The following FSD2 variants were observed in gnomAD, a reference collection of about 807,000 sequenced individuals.
The protein encoded by FSD2 is fibronectin type III and SPRY domain containing 2, also known as fibronectin type III and SPRY domain-containing protein 2.
Under a neutral mutation model 80.4 loss-of-function variants are expected in FSD2, and 71 were observed. The observed-to-expected ratio is 0.88, with a 90% CI of 0.73 to 1.08. The LOEUF is 1.08. FSD2 is among the 50% of genes least tolerant of loss of function. The probability of loss-of-function intolerance (pLI) is 0.00; values close to 1 mark genes in which losing one functional copy is unlikely to be tolerated. For missense variants in FSD2, 923 were observed against 913.8 expected (o/e 1.01, Z -0.13); for synonymous variants, 361 against 329.5 (o/e 1.10, Z -1.03).
At chr15:82,779,664 C>CA (rs1165686952) in intron 5 of FSD2, among the ~76,000 whole-genome samples, 8,209 of 97,682 alleles carry the variant, frequency 0.084, 616 homozygotes, top group African/African-American at 0.23. Context: ...GAAACTGTCT[C>CA]AAAAAAAAAA....
chr15:82,782,648 C>T, intron 4 of FSD2, 147 bp downstream of exon 4: 1 of 686,724 alleles, frequency 1.5e-6, no homozygotes, highest in East Asian at 2.5e-5. Context: ...CCAGTGGAAT[C>T]AAATGGATGC....
rs1596252735 is a variant in FSD2, at chr15:82,786,877, C to G, written c.514G>C (p.Glu172Gln). The G allele has an allele frequency of 6.2e-7, 1 of 1,614,010 alleles. No homozygotes were observed. Among genetic ancestry groups the G allele is most frequent in the African/African-American group, 1.3e-5 (1 of 75,042 alleles). Residue 172 changes from glutamate to glutamine, a missense_variant, in exon 2 of 13, where the codon GAA (glutamate) becomes CAA (glutamine). Glu to Gln is a conservative substitution (Grantham distance 29). Transcript: ENST00000334574. ...CAGAAGACATCAGCAGCTTCTTCTT[C>G]ATCCTCTTCCTCGGGGATGACATAG... ...ECYVIPEEED[E>Q]EEAADVFCVT...
intron 1 of FSD2, among the ~76,000 whole-genome samples, chr15:82,805,295 A>G (rs915765453): frequency 2.6e-5 from 4 of 152,146 alleles, no homozygotes; most frequent in African/African-American, 9.7e-5. Flanking sequence ...GAAACCTGTG[A>G]ATTCTCTTCC....
intron 1 of FSD2, among the ~76,000 whole-genome samples, chr15:82,795,907 CTA>C (rs1033461412): frequency 1.3e-5 from 2 of 151,456 alleles, no homozygotes; most frequent in African/African-American, 4.9e-5. Flanking sequence ...AAAGGATACT[CTA>C]AGACTGAGAG....
chr15:82,782,778 T>G lies in FSD2; in HGVS notation c.966+17A>C, dbSNP rs571450778. ...CTTTCCATTATGTTCATTATTTCAT[T>G]TTGTTTCATTACTGACCTTTATGAA... On this transcript the variant is annotated intron_variant, in intron 4 of 12. Coordinates refer to ENST00000334574, the MANE Select transcript of FSD2 (RefSeq NM_001007122.4). 1.3e-5 allele frequency: 20 copies of G among 1,544,736 alleles called. No homozygotes were observed. Among genetic ancestry groups the G allele is most frequent in the Non-Finnish European group, 1.8e-5 (20 of 1,127,936 alleles).
At chr15:82,795,831 CA>C (rs71156051) in intron 1 of FSD2, among the ~76,000 whole-genome samples, 1,751 of 126,996 alleles carry the variant, frequency 0.014, 14 homozygotes, top group Non-Finnish European at 0.021. Context: ...GACTCCATCT[CA>C]AAAAAAAAAA....
rs1482215584 is a variant in FSD2 at position 82,778,158 on chromosome 15, A to ATATATATATATATATAT, written c.1111+607_1111+608insATATATATATATATATA. ...TATATATATATATATATATATATAT[A>ATATATATATATATATAT]ATAACTATTACATGATCTAGTAATT... On this transcript the variant is annotated intron_variant, in intron 6 of 12. Coordinates refer to ENST00000334574, the MANE Select transcript of FSD2 (RefSeq NM_001007122.4). 9.7e-4 allele frequency among the ~76,000 whole-genome samples: 125 copies of ATATATATATATATATAT among 128,956 alleles called. 2 individuals carry two copies. The highest frequency in any genetic ancestry group is 2.0e-3 in the African/African-American group (61 of 30,306). 84.6% of individuals were successfully genotyped at this position (128,956 alleles called of 152,430 possible).
intron 1 of FSD2, among the ~76,000 whole-genome samples, chr15:82,789,287 CAG>C (rs2050081875): frequency 6.6e-6 from 1 of 151,564 alleles, no homozygotes; most frequent in African/African-American, 2.4e-5. Context: ...GCAAAATAAA[CAG>C]AATGCCCATT....
chr15:82,782,288 T>A (rs2049884170), intron 4 of FSD2, among the ~76,000 whole-genome samples: 1 of 150,436 alleles, frequency 6.6e-6, no homozygotes, highest in Non-Finnish European at 1.5e-5. Context: ...TAGTCCCAGC[T>A]ACTAGGGAGG....
chr15:82,800,555 C>T (rs961543006), intron 1 of FSD2, among the ~76,000 whole-genome samples: 8 of 151,480 alleles, frequency 5.3e-5, no homozygotes, highest in Non-Finnish European at 8.8e-5. Context: ...AGCTGGGCGT[C>T]GTGGTGGGTG....
intron 5 of FSD2, among the ~76,000 whole-genome samples, chr15:82,780,032 C>T (rs991485430): frequency 1.4e-4 from 22 of 151,962 alleles, no homozygotes; most frequent in Non-Finnish European, 3.1e-4. Context: ...TGAGCCTCAC[C>T]GTACACGCTC....
intron 4 of FSD2, among the ~76,000 whole-genome samples, chr15:82,781,974 G>A (rs865978866): frequency 2.6e-5 from 4 of 151,136 alleles, no homozygotes; most frequent in Non-Finnish European, 5.9e-5. Context: ...TGAGGCAGGA[G>A]AATTGCTTGA....
chr15:82,789,540 G>T (rs1287886991), intron 1 of FSD2, among the ~76,000 whole-genome samples: 1 of 152,084 alleles, frequency 6.6e-6, no homozygotes, highest in Admixed American at 6.6e-5. Flanking sequence ...GTCTCAGGGA[G>T]GGTATCTTGT....
At chr15:82,794,710 A>G (rs968237166) in intron 1 of FSD2, among the ~76,000 whole-genome samples, 2 of 147,588 alleles carry the variant, frequency 1.4e-5, no homozygotes, top group African/African-American at 2.5e-5. Context: ...TATCTTTTTG[A>G]TGGATTGGCT....
At position 82,755,445 on chromosome 15, in the gene FSD2, C is replaced by A. The variant is rs1165024719; in HGVS notation, c.*3903G>T. 1 of 151,882 alleles carries A rather than the reference C, an allele frequency of 6.6e-6. No homozygotes were observed. The highest frequency in any genetic ancestry group is 1.5e-5 in the Non-Finnish European group (1 of 67,986). The allele number at this position is 151,882 out of a possible 1,614,324, so 9.4% of individuals were successfully genotyped here. A position where few individuals can be genotyped will look rare whatever the true frequency, so the allele number is the denominator to read the frequency against. ...AACTGCAGGCTAATTTGTAACATTT[C>A]AAATAAATGATAGTTTAATTCCTCC... On this transcript the variant is annotated 3_prime_UTR_variant, in exon 13 of 13. Transcript: ENST00000334574.
chr15:82,791,523 G>A (rs1270370587), intron 1 of FSD2, among the ~76,000 whole-genome samples: 2 of 151,654 alleles, frequency 1.3e-5, no homozygotes, highest in Non-Finnish European at 2.9e-5. Flanking sequence ...GGCACTTGCC[G>A]CCATGCCTGG....
intron 6 of FSD2, among the ~76,000 whole-genome samples, chr15:82,778,107 A>G (rs2049758234): frequency 7.8e-6 from 1 of 127,830 alleles, no homozygotes; most frequent in Non-Finnish European, 1.6e-5. Context: ...CCTGTCTCTG[A>G]AAAAAAAACA....
At chr15:82,799,895 A>C (rs2050369794) in intron 1 of FSD2, among the ~76,000 whole-genome samples, 1 of 152,188 alleles carries the variant, frequency 6.6e-6, no homozygotes, top group Admixed American at 6.5e-5. Context: ...CTGGATGCCC[A>C]GCTGGCCCGT....
At chr15:82,771,865 C>A (rs926819553) in intron 7 of FSD2, among the ~76,000 whole-genome samples, 5 of 152,250 alleles carry the variant, frequency 3.3e-5, no homozygotes, top group Non-Finnish European at 7.3e-5. Flanking sequence ...GCTCCAGACC[C>A]CTTCGCCTGG....
Sources: allele counts gnomAD v4.1 joint callset (sites outside exome capture counted in the v4.1 genomes callset), GRCh38; gene constraint gnomAD v4.1.1; transcripts MANE v1.5; gene names NCBI Gene and HGNC (gene_info 2026-07-23, HGNC 2026-07-21).